SORCS1: variants seen among roughly 807,000 people sequenced by gnomAD.
SORCS1 encodes sortilin related VPS10 domain containing receptor 1.
Under a neutral mutation model 146.1 loss-of-function variants are expected in SORCS1, and 60 were observed. The observed-to-expected ratio is 0.41, with a 90% CI of 0.33 to 0.51. The LOEUF is 0.51. Ranked by LOEUF, SORCS1 falls within the 20% of genes least tolerant of loss-of-function variation. The pLI is 0.21. For missense variants in SORCS1, 1,352 were observed against 1,487.6 expected, an observed-to-expected ratio of 0.91 and a Z score of 1.50; for synonymous variants, 637 against 584.0, an observed-to-expected ratio of 1.09 and a Z score of -1.31.
chr10:106,674,152 TAA>T (rs35781544), intron 14 of SORCS1, among the ~76,000 whole-genome samples: 4 of 126,408 alleles, frequency 3.2e-5, no homozygotes, highest in African/African-American at 3.0e-5. Context: ...CTGTCTCTAC[TAA>T]AAAAAAAAAA....
At chr10:106,778,439 C>T (rs1860630929) in intron 3 of SORCS1, among the ~76,000 whole-genome samples, 1 of 151,960 alleles carries the variant, frequency 6.6e-6, no homozygotes, top group Admixed American at 6.6e-5. Context: ...GACGGCGTTC[C>T]CTCATCAGAT....
At chr10:106,633,014 A>G (rs1011657975) in intron 18 of SORCS1, among the ~76,000 whole-genome samples, 1 of 152,194 alleles carries the variant, frequency 6.6e-6, no homozygotes, top group African/African-American at 2.4e-5. Context: ...TGAAGAAATT[A>G]AAAAAGAAGG....
intron 1 of SORCS1, among the ~76,000 whole-genome samples, chr10:106,983,833 A>G (rs1320904398): frequency 1.3e-5 from 2 of 152,150 alleles, no homozygotes; most frequent in Non-Finnish European, 2.9e-5. Context: ...AATCACCTAA[A>G]CCGTAGCAAT....
chr10:107,143,144 C>G (rs914218137), intron 1 of SORCS1, among the ~76,000 whole-genome samples: 1 of 152,206 alleles, frequency 6.6e-6, no homozygotes, highest in East Asian at 1.9e-4. Flanking sequence ...GGCACTCACA[C>G]AATGCCCTGA....
At chr10:106,793,572 G>T (rs1331055818) in intron 3 of SORCS1, among the ~76,000 whole-genome samples, 4 of 152,104 alleles carry the variant, frequency 2.6e-5, no homozygotes, top group African/African-American at 9.7e-5. Flanking sequence ...CAAGAGAATG[G>T]GGGGCAGGAA....
At chr10:106,885,833 C>G (rs977681370) in intron 2 of SORCS1, among the ~76,000 whole-genome samples, 10 of 152,162 alleles carry the variant, frequency 6.6e-5, no homozygotes, top group Non-Finnish European at 1.5e-4. Flanking sequence ...CTCACGAGAA[C>G]TGATGGCTTT....
intron 18 of SORCS1, among the ~76,000 whole-genome samples, chr10:106,650,056 C>T (rs577743529): frequency 2.6e-5 from 4 of 152,258 alleles, no homozygotes; most frequent in African/African-American, 9.6e-5. Flanking sequence ...TATATATCAT[C>T]CAACTGTTGT....
chr10:106,799,843 A>C (rs1231069161), intron 3 of SORCS1, among the ~76,000 whole-genome samples: 1 of 152,248 alleles, frequency 6.6e-6, no homozygotes, highest in East Asian at 1.9e-4. Flanking sequence ...AGGATCTAGA[A>C]CTAGAAATAC....
intron 1 of SORCS1, among the ~76,000 whole-genome samples, chr10:107,103,647 C>A (rs1965103454): frequency 6.6e-6 from 1 of 152,164 alleles, no homozygotes; most frequent in Non-Finnish European, 1.5e-5. Flanking sequence ...TGGAGAAATA[C>A]AGAGATCTCC....
chr10:106,622,289 G>GAAAAAAAA (rs554464573), intron 19 of SORCS1, among the ~76,000 whole-genome samples: 1 of 39,040 alleles, frequency 2.6e-5, no homozygotes, highest in Non-Finnish European at 5.1e-5. Flanking sequence ...ATTCCATCTC[G>GAAAAAAAA]AAAAAAAAAA....
chr10:106,856,028 AT>A (rs34770451), intron 2 of SORCS1, among the ~76,000 whole-genome samples: 54,088 of 140,766 alleles, frequency 0.38, 9,722 homozygotes, highest in East Asian at 0.47. Flanking sequence ...GAGACACAAC[AT>A]TTTTTTTTTT....
At chr10:106,791,414 T>G (rs1946314150) in intron 3 of SORCS1, among the ~76,000 whole-genome samples, 1 of 152,182 alleles carries the variant, frequency 6.6e-6, no homozygotes, top group African/African-American at 2.4e-5. Context: ...AATATGAATT[T>G]TGGCCAGGTA....
At chr10:107,118,351 T>G (rs1303791887) in intron 1 of SORCS1, among the ~76,000 whole-genome samples, 1 of 152,202 alleles carries the variant, frequency 6.6e-6, no homozygotes, top group East Asian at 1.9e-4. Flanking sequence ...TATGTTATTG[T>G]TGGAGCAGAC....
intron 1 of SORCS1, among the ~76,000 whole-genome samples, chr10:107,054,427 G>A (rs747614884): frequency 1.3e-5 from 2 of 152,112 alleles, no homozygotes; most frequent in African/African-American, 2.4e-5. Context: ...GGGAAAAAAT[G>A]GACCAGGTAA....
chr10:106,973,331 C>T (rs544759255), intron 1 of SORCS1, among the ~76,000 whole-genome samples: 1 of 152,356 alleles, frequency 6.6e-6, no homozygotes, highest in South Asian at 2.1e-4. Flanking sequence ...GTCCCTGCTG[C>T]TTCTCTCACT....
chr10:106,728,118 G>A (rs774561789), intron 6 of SORCS1, among the ~76,000 whole-genome samples: 12 of 151,756 alleles, frequency 7.9e-5, no homozygotes, highest in Non-Finnish European at 1.6e-4. Flanking sequence ...TGCAACCTCC[G>A]CCTCCTGGGT....
chr10:106,970,113 G>A (rs1056562891), intron 1 of SORCS1: 3 of 152,358 alleles, frequency 2.0e-5, no homozygotes, highest in Admixed American at 2.0e-4. Context: ...ATGGGAGAAA[G>A]TCAATTTACT....
chr10:107,109,859 C>A (rs1052862632), intron 1 of SORCS1, among the ~76,000 whole-genome samples: 1 of 152,172 alleles, frequency 6.6e-6, no homozygotes, highest in African/African-American at 2.4e-5. Flanking sequence ...GATAGGTAGG[C>A]TATTAGAAGC....
At chr10:107,058,955 C>T (rs933275853) in intron 1 of SORCS1, among the ~76,000 whole-genome samples, 5 of 152,112 alleles carry the variant, frequency 3.3e-5, no homozygotes, top group African/African-American at 7.2e-5. Flanking sequence ...AGGGACATCA[C>T]CAACTAAAAA....
Sources: allele counts gnomAD v4.1 joint callset (sites outside exome capture counted in the v4.1 genomes callset), GRCh38; gene constraint gnomAD v4.1.1; transcripts MANE v1.5; gene names NCBI Gene and HGNC (gene_info 2026-07-23, HGNC 2026-07-21).